Variants in SPATS2L observed in about 807,000 individuals in gnomAD.
SPATS2L encodes SPATS2-like protein.
A neutral mutation model predicts 59.6 loss-of-function variants in SPATS2L; 30 were observed. The ratio of observed to expected loss-of-function variants is 0.50; its 90% CI spans 0.38 to 0.68. SPATS2L has a LOEUF of 0.68. SPATS2L is among the 30% of genes least tolerant of loss of function. SPATS2L has a pLI of 0.00. For missense variants in SPATS2L, 615 were observed against 700.0 expected, an observed-to-expected ratio of 0.88 and a Z score of 1.37; for synonymous variants, 252 against 263.5, an observed-to-expected ratio of 0.96 and a Z score of 0.42.
intron 2 of SPATS2L, among the ~76,000 whole-genome samples, chr2:200,336,910 T>C (rs1222469021): frequency 6.6e-6 from 1 of 151,950 alleles, no homozygotes; most frequent in East Asian, 1.9e-4. Context: ...CCAAATTTCA[T>C]ATTGTTCATA....
At chr2:200,459,448 G>C (rs2086084562) in intron 8 of SPATS2L, among the ~76,000 whole-genome samples, 1 of 152,080 alleles carries the variant, frequency 6.6e-6, no homozygotes, top group African/African-American at 2.4e-5. Context: ...ATATTGTTTT[G>C]GAACTTTGGA....
intron 1 of SPATS2L, chr2:200,309,035 G>T (rs1474631498): frequency 2.8e-6 from 2 of 717,830 alleles, no homozygotes; most frequent in Middle Eastern, 2.3e-4. Flanking sequence ...AGGCCACACC[G>T]TTGCAGTCTT....
At chr2:200,455,209 CAAG>C (rs2085750619) in intron 8 of SPATS2L, among the ~76,000 whole-genome samples, 2 of 152,150 alleles carry the variant, frequency 1.3e-5, no homozygotes, top group South Asian at 4.1e-4. Flanking sequence ...TCATCACTAT[CAAG>C]AAATTTTTAT....
chr2:200,385,816 C>A (rs2081973135), intron 2 of SPATS2L, among the ~76,000 whole-genome samples: 1 of 152,100 alleles, frequency 6.6e-6, no homozygotes, highest in Non-Finnish European at 1.5e-5. Flanking sequence ...CCTCAGCCTC[C>A]CGAGTAGCTG....
chr2:200,417,061 C>T (rs538909796), intron 5 of SPATS2L, among the ~76,000 whole-genome samples: 5 of 152,296 alleles, frequency 3.3e-5, no homozygotes, highest in South Asian at 4.1e-4. Flanking sequence ...TCTGGGAGCT[C>T]GTGAGATGCG....
At chr2:200,396,031 A>AATAT (rs1553520534) in intron 3 of SPATS2L, among the ~76,000 whole-genome samples, 2 of 30,954 alleles carry the variant, frequency 6.5e-5, no homozygotes, top group African/African-American at 1.8e-4. Context: ...AAAAAAAAAA[A>AATAT]AAATATATAT....
At chr2:200,404,603 A>G (rs2082633602) in intron 3 of SPATS2L, among the ~76,000 whole-genome samples, 1 of 152,002 alleles carries the variant, frequency 6.6e-6, no homozygotes, top group Non-Finnish European at 1.5e-5. Flanking sequence ...GGAGGAAGAG[A>G]AGTGTAGGCC....
At chr2:200,322,440 C>G (rs1018062632) in intron 1 of SPATS2L, among the ~76,000 whole-genome samples, 5 of 152,192 alleles carry the variant, frequency 3.3e-5, no homozygotes, top group African/African-American at 1.2e-4. Context: ...AAAAATACCT[C>G]TTTAGCCTTT....
At chr2:200,391,935 A>G (rs984150921) in intron 3 of SPATS2L, among the ~76,000 whole-genome samples, 11 of 152,204 alleles carry the variant, frequency 7.2e-5, no homozygotes, top group South Asian at 2.1e-4. Context: ...ACAACATACA[A>G]TTTCCTTGGG....
In SPATS2L at chr2:200,411,076, A is replaced by G. The variant is rs183387262; in HGVS notation, c.40-1235A>G. ...AGTCCTCAGTAAAACTCAAATATTT[A>G]GCACTTATAAAATGTCAAGATTCAA... On this transcript the variant is annotated intron_variant, in intron 3 of 12. Coordinates refer to ENST00000409140, the MANE Select transcript of SPATS2L (RefSeq NM_001100423.2). Among the ~76,000 whole-genome samples the G allele has an allele frequency of 3.6e-3, 538 of 151,000 alleles. 3 individuals are homozygous for G. The highest frequency in any genetic ancestry group is 0.013 in the African/African-American group (520 of 41,336).
At chr2:200,419,210 C>T (rs1452816113) in intron 5 of SPATS2L, 40 bp from the exon 6 acceptor site, 6 of 1,518,602 alleles carry the variant, frequency 4.0e-6, no homozygotes, top group Non-Finnish European at 5.3e-6. Context: ...TTTCAAGAGT[C>T]TGAGTTGAAT....
At chr2:200,402,380 T>C (rs1405184890) in intron 3 of SPATS2L, among the ~76,000 whole-genome samples, 2 of 152,204 alleles carry the variant, frequency 1.3e-5, no homozygotes, top group African/African-American at 4.8e-5. Flanking sequence ...TACTTAATGC[T>C]CCAGCAATCT....
chr2:200,421,052 C>T (rs140438945), intron 6 of SPATS2L, among the ~76,000 whole-genome samples: 13 of 152,098 alleles, frequency 8.5e-5, no homozygotes, highest in Non-Finnish European at 1.3e-4. Context: ...GAATCAGTGG[C>T]GTTTTAAACT....
chr2:200,348,247 TGTC>T (rs1162283420), intron 2 of SPATS2L, among the ~76,000 whole-genome samples: 2 of 152,184 alleles, frequency 1.3e-5, no homozygotes, highest in Non-Finnish European at 2.9e-5. Flanking sequence ...TGACAGAAAA[TGTC>T]GTTGTCCTGT....
At chr2:200,433,450 G>C (rs1042188278) in intron 6 of SPATS2L, among the ~76,000 whole-genome samples, 1 of 152,094 alleles carries the variant, frequency 6.6e-6, no homozygotes, top group African/African-American at 2.4e-5. Context: ...CATCTTAAGA[G>C]TATGGTGTCT....
chr2:200,341,848 C>T (rs1406635942), intron 2 of SPATS2L, among the ~76,000 whole-genome samples: 1 of 151,870 alleles, frequency 6.6e-6, no homozygotes, highest in Non-Finnish European at 1.5e-5. Flanking sequence ...TGCCACCACG[C>T]CCAGATATTT....
chr2:200,404,829 T>A (rs191149924), intron 3 of SPATS2L, among the ~76,000 whole-genome samples: 7 of 152,294 alleles, frequency 4.6e-5, no homozygotes, highest in Middle Eastern at 3.4e-3. Context: ...AGAAGCTGCC[T>A]GCATTCCTTG....
In SPATS2L at chr2:200,473,714, G is replaced by A. The variant is rs142794740; in HGVS notation, c.1281+662G>A. On this transcript the variant is annotated intron_variant, in intron 12 of 12. Transcript: ENST00000409140. ...CCTTAGAGAATTAACAAAAAATTGG[G>A]ATCTGCCGGATGCAATGGCTCACTC... 5.5e-4 allele frequency among the ~76,000 whole-genome samples: 84 copies of A among 152,188 alleles called. 2 individuals carry two copies. The East Asian group carries it at 0.015, about 27-fold the overall frequency.
chr2:200,408,454 A>T (rs909534659), intron 3 of SPATS2L, among the ~76,000 whole-genome samples: 3 of 152,192 alleles, frequency 2.0e-5, no homozygotes, highest in African/African-American at 7.2e-5. Flanking sequence ...CAGTTATTTT[A>T]TGTTTATTTG....
Sources: allele counts gnomAD v4.1 joint callset (sites outside exome capture counted in the v4.1 genomes callset), GRCh38; gene constraint gnomAD v4.1.1; transcripts MANE v1.5; gene names NCBI Gene and HGNC (gene_info 2026-07-23, HGNC 2026-07-21).